The following ZNF721 variants were observed in gnomAD, a reference collection of about 807,000 sequenced individuals.
ZNF721 encodes the protein zinc finger protein 721.
ZNF721 carries 2 observed loss-of-function variants against 2.4 expected under a neutral mutation model. The observed-to-expected ratio is 0.82, with a 90% CI of 0.34 to 2.58. The LOEUF is 2.58. Ranked by LOEUF, ZNF721 falls within the 30% of genes most tolerant of loss-of-function variation. The pLI is 0.11. For missense variants in ZNF721, 1,187 were observed against 1,085.5 expected (o/e 1.09, Z -1.31); for synonymous variants, 398 against 381.8 (o/e 1.04, Z -0.50).
chr4:497,792 G>C (rs1716282018), intron 1 of ZNF721, among the ~76,000 whole-genome samples: 2 of 151,990 alleles, frequency 1.3e-5, no homozygotes, highest in South Asian at 4.1e-4. Flanking sequence ...CAGCTACACG[G>C]GAGGCTGCGG....
Position 444,228 on chromosome 4 carries a change from A to T in ZNF721, c.239T>A (p.Ile80Lys), listed in dbSNP as rs782652494. ...NKCLSNTQSKIFQCNARVKVF... is the reference protein window; with the variant it reads ...NKCLSNTQSKKFQCNARVKVF... ...TTTGACACGTGCATTACATTGAAATATTTTGCTCTGAGTATTTGACAAGCA... is the reference window on the plus strand; with the variant it reads ...TTTGACACGTGCATTACATTGAAATTTTTTGCTCTGAGTATTTGACAAGCA... Residue 80 changes from isoleucine to lysine, a missense_variant, in exon 3 of 3, where the codon ATA becomes AAA. By Grantham distance (102) the Ile-to-Lys change is moderately radical. Coordinates refer to ENST00000511833, the MANE Select transcript of ZNF721 (RefSeq NM_133474.4). The T allele has an allele frequency of 1.2e-6, 2 of 1,613,508 alleles. No homozygotes were observed. The highest frequency in any genetic ancestry group is 1.7e-6 in the Non-Finnish European group (2 of 1,179,716).
Position 443,232 on chromosome 4 carries a change from G to T in ZNF721, c.1235C>A (p.Thr412Asn), listed in dbSNP as rs782608815. The T allele has an allele frequency of 3.1e-6, 5 of 1,613,762 alleles. No homozygotes were observed. Among genetic ancestry groups the T allele is most frequent in the East Asian group, 2.2e-5 (1 of 44,886 alleles). The change falls in exon 3 of 3, where the codon ACC becomes AAC. Residue 412 changes from threonine to asparagine, a missense_variant. By Grantham distance (65) the Thr-to-Asn change is moderately conservative. Transcript: ENST00000511833. Reference sequence around the variant, plus strand: ...TTCACATGTGTAGGGTTTCTCTCTGGTGTGAATTCTCTTATGTGCAGTAAG... The same window carrying T: ...TTCACATGTGTAGGGTTTCTCTCTGTTGTGAATTCTCTTATGTGCAGTAAG... ...TNLTAHKRIHTREKPYTCEDR... is the reference protein window; with the variant it reads ...TNLTAHKRIHNREKPYTCEDR...
At chr4:474,985 G>A (rs113830521) in intron 1 of ZNF721, among the ~76,000 whole-genome samples, 8,901 of 151,120 alleles carry the variant, frequency 0.059, 388 homozygotes, top group African/African-American at 0.13. Context: ...TCCGGAGATC[G>A]AGACCATCCT....
chr4:472,514 C>T, intron 2 of ZNF721, 61 bp downstream of exon 2: 1 of 1,546,336 alleles, frequency 6.5e-7, no homozygotes, highest in Non-Finnish European at 8.7e-7. Flanking sequence ...AGACATTCTA[C>T]AAAAATAGAA....
intron 1 of ZNF721, among the ~76,000 whole-genome samples, chr4:481,932 TA>T (rs1715781671): frequency 6.6e-6 from 1 of 152,242 alleles, no homozygotes; most frequent in Non-Finnish European, 1.5e-5. Context: ...AAACAGAACT[TA>T]AAACGTCATA....
intron 1 of ZNF721, among the ~76,000 whole-genome samples, chr4:490,004 C>T (rs1715982734): frequency 1.3e-5 from 2 of 151,924 alleles, no homozygotes; most frequent in Admixed American, 6.5e-5. Context: ...GGACTACAGG[C>T]ACATGCCACC....
intron 1 of ZNF721, among the ~76,000 whole-genome samples, chr4:487,877 T>G (rs1326341237): frequency 6.6e-6 from 1 of 152,026 alleles, no homozygotes; most frequent in Admixed American, 6.6e-5. Context: ...TACACCCGAG[T>G]AGCAAAGGAT....
intron 2 of ZNF721, among the ~76,000 whole-genome samples, chr4:449,385 T>C (rs1714577908): frequency 6.6e-6 from 1 of 151,996 alleles, no homozygotes; most frequent in South Asian, 2.1e-4. Flanking sequence ...GAAAATTATC[T>C]ACAAGATAAT....
At chr4:469,140 G>A (rs1255309255) in intron 2 of ZNF721, among the ~76,000 whole-genome samples, 1 of 152,036 alleles carries the variant, frequency 6.6e-6, no homozygotes, top group African/African-American at 2.4e-5. Flanking sequence ...TCACTCTGAG[G>A]CCCAGGCTCA....
intron 1 of ZNF721, among the ~76,000 whole-genome samples, chr4:485,804 G>T (rs1461294449): frequency 6.6e-6 from 1 of 152,054 alleles, no homozygotes; most frequent in African/African-American, 2.4e-5. Context: ...GTGAAACCCC[G>T]TCTCTACTAA....
chr4:486,180 G>C (rs1715892635), intron 1 of ZNF721, among the ~76,000 whole-genome samples: 1 of 134,806 alleles, frequency 7.4e-6, no homozygotes, highest in African/African-American at 2.6e-5. Flanking sequence ...TTTTTTTTGA[G>C]ACGGAGTCTC....
In ZNF721 at chr4:444,291, C is replaced by A. The variant is rs75465770; in HGVS notation, c.176G>T (p.Cys59Phe). The change falls in exon 3 of 3, where the codon TGT becomes TTT. Residue 59 changes from cysteine to phenylalanine, a missense_variant. Coordinates refer to ENST00000511833, the MANE Select transcript of ZNF721 (RefSeq NM_133474.4). ...LRKGCKSMNV[C>F]KVQKGVYNGI... is the part of the protein sequence containing the mutation. Reference sequence around the variant, plus strand: ...ATTATAAACTCCCTTCTGCACTTTACACACGTTCATACTTTTACAGCCTTT... The same window carrying A: ...ATTATAAACTCCCTTCTGCACTTTAAACACGTTCATACTTTTACAGCCTTT... 1.3e-3 allele frequency: 2,079 copies of A among 1,614,116 alleles called. 28 individuals are homozygous for A. The African/African-American group carries it at 0.024, about 19-fold the overall frequency.
rs755580823 is a variant in ZNF721 at position 486,277 on chromosome 4, G to A, written c.-94+12779C>T. Among the ~76,000 whole-genome samples the A allele has an allele frequency of 4.0e-5, 6 of 150,922 alleles. No individual in the cohort carries two copies. In the East Asian group the frequency reaches 9.9e-4, roughly 25 times the overall value. Reference sequence around the variant, plus strand: ...GGGTTCACGTGATTCTCCTGCCTCCGCCTCCCGAGTAGCTGGGACTACAGG... The same window carrying A: ...GGGTTCACGTGATTCTCCTGCCTCCACCTCCCGAGTAGCTGGGACTACAGG... On this transcript the variant is annotated intron_variant, in intron 1 of 2. Transcript: ENST00000511833.
In ZNF721 at chr4:444,284, C is replaced by T. The variant is rs371473421; in HGVS notation, c.183G>A (p.Val61=). Residue 61 remains valine (V), a synonymous_variant, in exon 3 of 3, where the codon GTG becomes GTA. Coordinates refer to ENST00000511833, the MANE Select transcript of ZNF721 (RefSeq NM_133474.4). ...TAATTCCATTATAAACTCCCTTCTG[C>T]ACTTTACACACGTTCATACTTTTAC... ...KGCKSMNVCK[V]QKGVYNGINK... The T allele has an allele frequency of 6.2e-7, 1 of 1,613,914 alleles. No homozygotes were observed. The highest frequency in any genetic ancestry group is 1.3e-5 in the African/African-American group (1 of 74,930).
intron 1 of ZNF721, among the ~76,000 whole-genome samples, chr4:476,554 C>T (rs142821522): frequency 3.3e-5 from 5 of 152,318 alleles, no homozygotes; most frequent in South Asian, 4.1e-4. Flanking sequence ...ATTTACCACA[C>T]CATTTAACAA....
intron 1 of ZNF721, among the ~76,000 whole-genome samples, chr4:482,856 G>C (rs1176837352): frequency 1.3e-5 from 2 of 152,160 alleles, no homozygotes; most frequent in Non-Finnish European, 2.9e-5. Flanking sequence ...GTGCTCTATG[G>C]ATCTGTACTT....
At chr4:480,148 AT>A (rs1715736660) in intron 1 of ZNF721, among the ~76,000 whole-genome samples, 2 of 152,166 alleles carry the variant, frequency 1.3e-5, no homozygotes, top group South Asian at 4.1e-4. Context: ...CACCAATCAC[AT>A]TATGCATGTA....
intron 2 of ZNF721, among the ~76,000 whole-genome samples, chr4:459,850 G>A (rs1282698887): frequency 6.6e-6 from 1 of 151,382 alleles, no homozygotes; most frequent in Non-Finnish European, 1.5e-5. Context: ...AGGTGGGGGA[G>A]GGGGCATTAC....
At chr4:490,386 G>A (rs1165819904) in intron 1 of ZNF721, among the ~76,000 whole-genome samples, 5 of 151,914 alleles carry the variant, frequency 3.3e-5, no homozygotes, top group Non-Finnish European at 5.9e-5. Context: ...TGAGAATGGC[G>A]TGAACCCAGG....
Sources: allele counts gnomAD v4.1 joint callset (sites outside exome capture counted in the v4.1 genomes callset), GRCh38; gene constraint gnomAD v4.1.1; transcripts MANE v1.5; gene names NCBI Gene and HGNC (gene_info 2026-07-23, HGNC 2026-07-21).